The following SHOC2 variants were observed in gnomAD, a reference collection of about 807,000 sequenced individuals.
SHOC2 encodes the protein SHOC2 leucine rich repeat scaffold protein, also known as leucine-rich repeat protein SHOC-2.
A neutral mutation model predicts 50.2 loss-of-function variants in SHOC2; 4 were observed. The ratio of observed to expected loss-of-function variants is 0.08; its 90% CI spans 0.04 to 0.18. SHOC2 has a LOEUF of 0.18. Ranked by LOEUF, SHOC2 falls within the 10% of genes least tolerant of loss-of-function variation. The probability of loss-of-function intolerance (pLI) is 1.00; values close to 1 mark genes in which losing one functional copy is unlikely to be tolerated. For missense variants in SHOC2, 388 were observed against 669.6 expected (o/e 0.58, Z 4.64); for synonymous variants, 218 against 244.5 (o/e 0.89, Z 1.01).
chr10:110,937,267 T>G, intron 1 of SHOC2: 2 of 847,016 alleles, frequency 2.4e-6, no homozygotes, highest in Non-Finnish European at 2.0e-6. Flanking sequence ...TGCTTTTTTT[T>G]TTTTTGGTCC....
intron 4 of SHOC2, 126 bp from the exon 5 acceptor site, chr10:111,004,480 C>T (rs1334904637): frequency 7.1e-6 from 5 of 703,458 alleles, no homozygotes; most frequent in African/African-American, 1.8e-5. Flanking sequence ...ACAGACTGCC[C>T]CAACCAGTCT....
In SHOC2 at chr10:111,004,641, G is replaced by A; in HGVS notation, c.1008G>A (p.Leu336=). 2 of 1,613,220 alleles carry A rather than the reference G, an allele frequency of 1.2e-6. No individual in the cohort carries two copies. Among genetic ancestry groups the A allele is most frequent in the Non-Finnish European group, 1.7e-6 (2 of 1,179,270 alleles). ...LLSSLVKLNS[L]TLARNCFQLY... ...CAAGTCTTGTGAAACTGAATAGTTT[G>A]ACCTTAGCTAGAAATTGCTTCCAGT... The change falls in exon 5 of 9, where the codon TTG becomes TTA. Residue 336 remains leucine, a synonymous_variant. Coordinates refer to ENST00000369452, the MANE Select transcript of SHOC2 (RefSeq NM_007373.4).
In SHOC2 at chr10:111,011,751, T is replaced by C. The variant is rs776628753; in HGVS notation, c.1682T>C (p.Val561Ala). 2.2e-5 allele frequency: 35 copies of C among 1,613,934 alleles called. No individual in the cohort carries two copies. The highest frequency in any genetic ancestry group is 2.8e-5 in the Non-Finnish European group (33 of 1,179,964). The stretch of plus-strand genomic sequence containing the variant: ...CTCAGTCACCTTCCACCTCAGATTG[T>C]TGCTGGGGGGCCTTCTTTCATCATT... ...CPLSHLPPQI[V>A]AGGPSFIIQF... The change falls in exon 9 of 9, where the codon GTT (valine) becomes GCT (alanine). Residue 561 changes from valine (V) to alanine (A), a missense_variant. This residue lies in a region of SHOC2 where 130 missense variants were observed against 208.6 expected (regional missense o/e 0.62). Transcript: ENST00000369452.
intron 5 of SHOC2, among the ~76,000 whole-genome samples, chr10:111,005,692 T>C (rs1380297543): frequency 6.6e-6 from 1 of 152,210 alleles, no homozygotes. Context: ...AGTTTCACCT[T>C]TGTAATGAAA....
chr10:110,922,980 AC>A (rs1846684726), intron 1 of SHOC2, among the ~76,000 whole-genome samples: 1 of 152,018 alleles, frequency 6.6e-6, no homozygotes, highest in Non-Finnish European at 1.5e-5. Flanking sequence ...TTGTTGGTAG[AC>A]CTGTATTTCA....
chr10:110,992,559 A>T (rs566862106), intron 3 of SHOC2, among the ~76,000 whole-genome samples: 2 of 152,338 alleles, frequency 1.3e-5, no homozygotes, highest in South Asian at 4.1e-4. Context: ...AAATGAGATT[A>T]GGAGAGAACT....
At chr10:111,004,934 G>A (rs1848441178) in intron 5 of SHOC2, 140 bp downstream of exon 5, 2 of 686,716 alleles carry the variant, frequency 2.9e-6, no homozygotes, top group African/African-American at 1.8e-5. Context: ...ACATGTCAGG[G>A]TACTTTGTAT....
intron 2 of SHOC2, among the ~76,000 whole-genome samples, chr10:110,981,875 T>TATACTC (rs1564721037): frequency 3.6e-4 from 4 of 11,128 alleles, no homozygotes; most frequent in African/African-American, 3.3e-4. Context: ...TATTTATTTT[T>TATACTC]TTAAGTTTTA....
chr10:111,009,963 A>G lies in SHOC2; in HGVS notation c.1540+133A>G. 1.3e-5 allele frequency: 8 copies of G among 622,666 alleles called. No individual in the cohort carries two copies. The East Asian group carries it at 2.2e-4, about 17-fold the overall frequency. The allele number at this position is 622,666 out of a possible 1,614,324, so 38.6% of individuals were successfully genotyped here. ...TATCAGGCTTAAGATTTTTTTTTTT[A>G]ATAGAGCACCGATGGTTGATTGTTG... On this transcript the variant is annotated intron_variant, in intron 8 of 8. Transcript: ENST00000369452.
At chr10:110,937,795 A>C (rs1352902096) in intron 1 of SHOC2, among the ~76,000 whole-genome samples, 1 of 152,216 alleles carries the variant, frequency 6.6e-6, no homozygotes, top group Non-Finnish European at 1.5e-5. Context: ...GTTTGATTAT[A>C]TCAGTTTGTA....
intron 2 of SHOC2, among the ~76,000 whole-genome samples, chr10:110,975,408 C>T (rs965742096): frequency 1.3e-5 from 2 of 152,100 alleles, no homozygotes; most frequent in Admixed American, 6.5e-5. Flanking sequence ...TCCCAAAGTG[C>T]TGGGATTACA....
chr10:110,941,393 G>A (rs191009228), intron 1 of SHOC2, among the ~76,000 whole-genome samples: 3 of 151,842 alleles, frequency 2.0e-5, no homozygotes, highest in East Asian at 3.9e-4. Flanking sequence ...GTGTAGTGGC[G>A]CGATCTTGGC....
chr10:110,978,526 C>T (rs1300003058), intron 2 of SHOC2, among the ~76,000 whole-genome samples: 1 of 152,118 alleles, frequency 6.6e-6, no homozygotes, highest in East Asian at 1.9e-4. Flanking sequence ...TGTTATAGCC[C>T]TTTTGGAATT....
In SHOC2 at chr10:110,943,257, CTTTT is replaced by C. The variant is rs544078658; in HGVS notation, c.-234-20858_-234-20855del. 2.3e-4 allele frequency among the ~76,000 whole-genome samples: 33 copies of C among 143,200 alleles called. 1 individual carries two copies. Among genetic ancestry groups the C allele is most frequent in the African/African-American group, 8.1e-4 (32 of 39,310 alleles). The allele number at this position is 143,200 out of a possible 152,430, so 93.9% of individuals were successfully genotyped here. On this transcript the variant is annotated intron_variant, in intron 1 of 8. Transcript: ENST00000369452. The stretch of plus-strand genomic sequence containing the variant: ...GAGGCTCCGTTTCTTTTTCTTTATT[CTTTT>C]TTTTTTTTTCTGTTCCTCATACTGG...
At chr10:111,000,573 T>C (rs1348221145) in intron 4 of SHOC2, 28 bp downstream of exon 4, 6 of 1,587,290 alleles carry the variant, frequency 3.8e-6, no homozygotes, top group Non-Finnish European at 5.2e-6. Flanking sequence ...GAAAACAAGA[T>C]TTGAAATGAG....
intron 3 of SHOC2, among the ~76,000 whole-genome samples, chr10:110,997,708 T>C (rs751012255): frequency 1.2e-4 from 18 of 152,218 alleles, no homozygotes; most frequent in Non-Finnish European, 2.4e-4. Flanking sequence ...ACGCACGTTA[T>C]ATCTAACCCC....
At chr10:110,930,238 G>A (rs1451896614) in intron 1 of SHOC2, among the ~76,000 whole-genome samples, 2 of 152,070 alleles carry the variant, frequency 1.3e-5, no homozygotes, top group East Asian at 1.9e-4. Context: ...TGTAAGAAAC[G>A]CCAGTTGTTT....
intron 1 of SHOC2, among the ~76,000 whole-genome samples, chr10:110,944,350 C>G (rs1414961986): frequency 6.8e-6 from 1 of 147,146 alleles, no homozygotes; most frequent in Non-Finnish European, 1.5e-5. Context: ...TGAAGATAAT[C>G]CAGATCACAA....
chr10:111,007,407 A>T, intron 5 of SHOC2, 124 bp from the exon 6 acceptor site: 4 of 1,118,234 alleles, frequency 3.6e-6, no homozygotes, highest in Admixed American at 4.4e-5. Context: ...TTCTTTCTAT[A>T]TTTAAATATC....
Sources: gnomAD v4.1 joint callset for allele counts (sites outside exome capture counted in the v4.1 genomes callset) on GRCh38, gnomAD v4.1.1 for gene constraint, gnomAD v4.1.1 regional missense constraint, MANE v1.5 for transcripts, NCBI Gene and HGNC (gene_info 2026-07-23, HGNC 2026-07-21) for gene names.